Variants in FILIP1L observed in about 807,000 individuals in gnomAD.
The protein encoded by FILIP1L is filamin A-interacting protein 1-like.
In FILIP1L, 55 loss-of-function variants were observed where a neutral mutation model predicts 96.6. The observed-to-expected ratio is 0.57, with a 90% CI of 0.46 to 0.71. The LOEUF is 0.71. Ranked by LOEUF, FILIP1L falls within the 30% of genes least tolerant of loss-of-function variation. The pLI, the probability that FILIP1L is intolerant of heterozygous loss-of-function variation, is 0.00. For synonymous variants in FILIP1L, 467 were observed against 473.9 expected, an observed-to-expected ratio of 0.99 and a Z score of 0.19; for missense variants, 1,304 against 1,321.2, an observed-to-expected ratio of 0.99 and a Z score of 0.20.
chr3:99,852,004 CATA>C (rs757574553), intron 4 of FILIP1L, among the ~76,000 whole-genome samples: 2 of 152,202 alleles, frequency 1.3e-5, no homozygotes, highest in Non-Finnish European at 2.9e-5. Flanking sequence ...TTATCAGGAA[CATA>C]ATAATTCCCT....
At chr3:100,094,980 G>A (rs980960476) in intron 1 of FILIP1L, among the ~76,000 whole-genome samples, 2 of 152,000 alleles carry the variant, frequency 1.3e-5, no homozygotes, top group African/African-American at 2.4e-5. Flanking sequence ...GAGCCACTGC[G>A]CCTGGCCAAA....
At chr3:99,976,820 A>G (rs1216121191) in intron 1 of FILIP1L, among the ~76,000 whole-genome samples, 1 of 152,066 alleles carries the variant, frequency 6.6e-6, no homozygotes. Flanking sequence ...TTTGACCATT[A>G]TCTCTTCAAA....
chr3:100,078,182 GAAC>G (rs1303713565), intron 1 of FILIP1L, among the ~76,000 whole-genome samples: 4 of 152,018 alleles, frequency 2.6e-5, no homozygotes, highest in African/African-American at 7.2e-5. Context: ...CCATTCCTCA[GAAC>G]AACTAAAGAA....
At chr3:99,834,342 T>C (rs2107491071) in intron 5 of FILIP1L, among the ~76,000 whole-genome samples, 1 of 152,370 alleles carries the variant, frequency 6.6e-6, no homozygotes, top group Middle Eastern at 3.4e-3. Flanking sequence ...CAATATCTGA[T>C]GCAAAGGTTA....
intron 4 of FILIP1L, among the ~76,000 whole-genome samples, chr3:99,885,546 T>G (rs776263110): frequency 5.1e-4 from 78 of 152,386 alleles, no homozygotes; most frequent in Non-Finnish European, 8.4e-4. Flanking sequence ...TAAACTTACT[T>G]TGATACTTCT....
At chr3:99,921,505 C>T (rs941895258) in intron 4 of FILIP1L, among the ~76,000 whole-genome samples, 1 of 152,172 alleles carries the variant, frequency 6.6e-6, no homozygotes, top group South Asian at 2.1e-4. Context: ...AGGGAAGTCA[C>T]ATATGCATCA....
intron 1 of FILIP1L, among the ~76,000 whole-genome samples, chr3:99,997,853 T>C (rs2107153816): frequency 6.6e-6 from 1 of 152,362 alleles, no homozygotes; most frequent in South Asian, 2.1e-4. Context: ...ATGCTCTTAT[T>C]ACACAAACCT....
At chr3:99,995,224 T>C (rs1167526062) in intron 1 of FILIP1L, among the ~76,000 whole-genome samples, 1 of 152,046 alleles carries the variant, frequency 6.6e-6, no homozygotes, top group Non-Finnish European at 1.5e-5. Context: ...ATGGAAGAAA[T>C]TGGCCAAAAC....
intron 1 of FILIP1L, among the ~76,000 whole-genome samples, chr3:99,965,060 A>G (rs966011450): frequency 2.6e-5 from 4 of 152,226 alleles, no homozygotes; most frequent in African/African-American, 9.6e-5. Flanking sequence ...ATAAAGTTTT[A>G]AAGGAAATTT....
At chr3:100,062,237 G>A (rs1407863586) in intron 1 of FILIP1L, among the ~76,000 whole-genome samples, 2 of 150,426 alleles carry the variant, frequency 1.3e-5, no homozygotes, top group African/African-American at 4.9e-5. Context: ...TCAGCTGCCC[G>A]AGTAGCTGGG....
At position 99,911,958 on chromosome 3, in the gene FILIP1L, A is replaced by C. The variant is rs1482159961; in HGVS notation, c.605+12272T>G. Among the ~76,000 whole-genome samples, 3 of 152,120 alleles carry C rather than the reference A, an allele frequency of 2.0e-5. No homozygotes were observed. In the East Asian group the frequency reaches 5.8e-4, roughly 29 times the overall value. ...TTCTCTCTTTTTTTTTCCAGCAAAT[A>C]ATCATTTGCTTTCAGTTCCAAGTCT... On this transcript the variant is annotated intron_variant, in intron 4 of 5. Coordinates refer to ENST00000477258, the MANE Select transcript of FILIP1L (RefSeq NM_001387850.1).
intron 4 of FILIP1L, among the ~76,000 whole-genome samples, chr3:99,857,956 A>G (rs1944052785): frequency 6.6e-6 from 1 of 152,236 alleles, no homozygotes; most frequent in African/African-American, 2.4e-5. Flanking sequence ...CAGGGGATAG[A>G]GGATCCTATT....
intron 4 of FILIP1L, among the ~76,000 whole-genome samples, chr3:99,922,159 G>C (rs749326704): frequency 5.3e-5 from 8 of 152,148 alleles, no homozygotes; most frequent in Non-Finnish European, 7.4e-5. Context: ...CTCTGACCGT[G>C]ATCAGTAAAT....
intron 1 of FILIP1L, among the ~76,000 whole-genome samples, chr3:100,052,841 T>C (rs1381502205): frequency 6.6e-6 from 1 of 152,234 alleles, no homozygotes; most frequent in Non-Finnish European, 1.5e-5. Flanking sequence ...ATATTTGATC[T>C]TGTTTTTAAA....
chr3:100,111,917 A>G (rs1239653547), intron 1 of FILIP1L, among the ~76,000 whole-genome samples: 1 of 152,218 alleles, frequency 6.6e-6, no homozygotes, highest in Non-Finnish European at 1.5e-5. Context: ...CATGCACAAT[A>G]CACAGATTCA....
intron 1 of FILIP1L, among the ~76,000 whole-genome samples, chr3:100,091,876 T>C (rs1227877225): frequency 2.0e-5 from 3 of 152,340 alleles, no homozygotes; most frequent in African/African-American, 7.2e-5. Flanking sequence ...TAAATATTAA[T>C]TGAAACTGTA....
intron 4 of FILIP1L, among the ~76,000 whole-genome samples, chr3:99,851,909 T>A (rs1418235242): frequency 6.6e-6 from 1 of 152,186 alleles, no homozygotes; most frequent in African/African-American, 2.4e-5. Context: ...GGTGTTTTCA[T>A]AACATTTGAG....
chr3:100,018,259 G>A (rs554602050), intron 1 of FILIP1L, among the ~76,000 whole-genome samples: 65 of 152,324 alleles, frequency 4.3e-4, no homozygotes, highest in African/African-American at 1.4e-3. Flanking sequence ...CCAGGAGGCA[G>A]AGGTTACAGT....
chr3:99,975,127 AG>A (rs1322793467), intron 1 of FILIP1L, among the ~76,000 whole-genome samples: 1 of 152,248 alleles, frequency 6.6e-6, no homozygotes, highest in Non-Finnish European at 1.5e-5. Flanking sequence ...TTCACCTAGC[AG>A]GCATTCAACT....
Sources: allele counts gnomAD v4.1 joint callset (sites outside exome capture counted in the v4.1 genomes callset), GRCh38; gene constraint gnomAD v4.1.1; transcripts MANE v1.5; gene names NCBI Gene and HGNC (gene_info 2026-07-23, HGNC 2026-07-21).